The following PRR16 variants were observed in gnomAD, a reference collection of about 807,000 sequenced individuals.
PRR16 encodes protein Largen.
In PRR16, 6 loss-of-function variants were observed where a neutral mutation model predicts 18.2. The ratio of observed to expected loss-of-function variants is 0.33; its 90% CI spans 0.18 to 0.65. The LOEUF is 0.65. Among genes scored for constraint, PRR16 ranks in the 30% least tolerant of loss-of-function variants. The probability of loss-of-function intolerance (pLI) is 0.74; values close to 1 mark genes in which losing one functional copy is unlikely to be tolerated. For synonymous variants in PRR16, 151 were observed against 147.8 expected (o/e 1.02, Z -0.16); for missense variants, 412 against 376.6 (o/e 1.09, Z -0.78).
intron 1 of PRR16, among the ~76,000 whole-genome samples, chr5:120,552,561 T>G (rs1364097612): frequency 6.6e-6 from 1 of 151,964 alleles, no homozygotes; most frequent in African/African-American, 2.4e-5. Context: ...TCTAGCTTGT[T>G]CTGAAAAAAC....
rs747652972 is a variant in PRR16 at position 120,519,605 on chromosome 5, C to G, written c.159+54960C>G. ...CATATGATGTTAAAAGGCCAGTTTT[C>G]TTTCCTGAAATTAACTTTAGCAATG... On this transcript the variant is annotated intron_variant, in intron 1 of 1. Coordinates refer to ENST00000407149, the MANE Select transcript of PRR16 (RefSeq NM_001300783.2). Among the ~76,000 whole-genome samples, 3 of 152,196 alleles carry G rather than the reference C, an allele frequency of 2.0e-5. No individual in the cohort carries two copies. The South Asian group carries it at 6.2e-4, about 32-fold the overall frequency.
At chr5:120,659,943 A>C (rs969011236) in intron 1 of PRR16, among the ~76,000 whole-genome samples, 4 of 152,050 alleles carry the variant, frequency 2.6e-5, no homozygotes, top group Non-Finnish European at 5.9e-5. Context: ...GATAATATGC[A>C]TGTCCTCCAA....
At chr5:120,754,006 A>G in the PRR16 span, among the ~76,000 whole-genome samples, 1 of 124,536 alleles carries the variant, frequency 8.0e-6, no homozygotes, top group Non-Finnish European at 1.6e-5. Context: ...TAATATATAT[A>G]TTATATAATA....
At chr5:120,768,716 CTT>C in the PRR16 span, among the ~76,000 whole-genome samples, 4 of 151,756 alleles carry the variant, frequency 2.6e-5, no homozygotes, top group African/African-American at 9.6e-5. Context: ...TTTCTTAAGA[CTT>C]TGATTAAAGT....
At chr5:120,785,986 A>C in the PRR16 span, among the ~76,000 whole-genome samples, 10 of 151,576 alleles carry the variant, frequency 6.6e-5, no homozygotes, top group Admixed American at 6.6e-4. Context: ...TTAAAAAAAA[A>C]AGATTTTAAA....
chr5:120,551,810 C>G (rs938956389), intron 1 of PRR16, among the ~76,000 whole-genome samples: 1 of 151,924 alleles, frequency 6.6e-6, no homozygotes, highest in Admixed American at 6.6e-5. Context: ...AGAGAAGATA[C>G]TAGTAGGTTC....
chr5:120,754,275 AATAT>A, the PRR16 span, among the ~76,000 whole-genome samples: 1 of 38,642 alleles, frequency 2.6e-5, no homozygotes, highest in Non-Finnish European at 4.7e-5. Context: ...AATATAAAAT[AATAT>A]ATAAATATAT....
intron 1 of PRR16, among the ~76,000 whole-genome samples, chr5:120,503,950 C>G (rs1750555662): frequency 6.6e-6 from 1 of 152,038 alleles, no homozygotes; most frequent in Admixed American, 6.6e-5. Flanking sequence ...TCATCCATGT[C>G]CCTACAAAGG....
the PRR16 span, among the ~76,000 whole-genome samples, chr5:120,753,035 G>C: frequency 6.6e-6 from 1 of 151,916 alleles, no homozygotes; most frequent in South Asian, 2.1e-4. Context: ...GAATAGATGA[G>C]GAAACATTAA....
At chr5:120,613,520 T>C (rs1378669222) in intron 1 of PRR16, among the ~76,000 whole-genome samples, 1 of 152,092 alleles carries the variant, frequency 6.6e-6, no homozygotes, top group Non-Finnish European at 1.5e-5. Flanking sequence ...TATGTAGGCT[T>C]CCATTTGGGA....
At chr5:120,499,666 TTTCAACATGTTTATAATTA>T (rs905320558) in intron 1 of PRR16, among the ~76,000 whole-genome samples, 2 of 152,172 alleles carry the variant, frequency 1.3e-5, no homozygotes, top group African/African-American at 4.8e-5. Flanking sequence ...TATTATTTTG[TTTCAACATGTTTATAATTA>T]TTCTTTGAAG....
chr5:120,703,034 G>A, the PRR16 span, among the ~76,000 whole-genome samples: 1 of 152,186 alleles, frequency 6.6e-6, no homozygotes, highest in African/African-American at 2.4e-5. Context: ...TCACCTGGGT[G>A]CAGGCGGGCT....
At chr5:120,490,221 C>T (rs1312457623) in intron 1 of PRR16, among the ~76,000 whole-genome samples, 1 of 152,144 alleles carries the variant, frequency 6.6e-6, no homozygotes, top group Non-Finnish European at 1.5e-5. Context: ...TGGGGAAGTT[C>T]TCCTGGATAA....
chr5:120,725,438 T>C, the PRR16 span, among the ~76,000 whole-genome samples: 1 of 151,642 alleles, frequency 6.6e-6, no homozygotes, highest in East Asian at 1.9e-4. Flanking sequence ...GGAGGAACAC[T>C]TAAGGCCAGG....
chr5:120,479,781 T>C (rs1749551695), intron 1 of PRR16, among the ~76,000 whole-genome samples: 1 of 152,132 alleles, frequency 6.6e-6, no homozygotes, highest in Non-Finnish European at 1.5e-5. Context: ...TGACATCTAA[T>C]AGTATTCAAA....
At chr5:120,671,777 T>C (rs1756614293) in intron 1 of PRR16, among the ~76,000 whole-genome samples, 1 of 152,158 alleles carries the variant, frequency 6.6e-6, no homozygotes, top group Non-Finnish European at 1.5e-5. Context: ...ATCTTCTCTC[T>C]ATGAAAGTGC....
chr5:120,605,686 T>C (rs1370892216), intron 1 of PRR16, among the ~76,000 whole-genome samples: 1 of 152,234 alleles, frequency 6.6e-6, no homozygotes, highest in Non-Finnish European at 1.5e-5. Context: ...GATGGGGCTT[T>C]TGGCTTTTAT....
intron 1 of PRR16, among the ~76,000 whole-genome samples, chr5:120,527,017 G>A (rs917516759): frequency 6.6e-6 from 1 of 152,112 alleles, no homozygotes; most frequent in African/African-American, 2.4e-5. Context: ...TAACTACTCA[G>A]TTCTCCTCCC....
the PRR16 span, among the ~76,000 whole-genome samples, chr5:120,714,515 T>A: frequency 6.6e-6 from 1 of 152,090 alleles, no homozygotes; most frequent in South Asian, 2.1e-4. Context: ...TGTGGAGAAA[T>A]AGGGACATTT....
Sources: allele counts gnomAD v4.1 joint callset (sites outside exome capture counted in the v4.1 genomes callset), GRCh38; gene constraint gnomAD v4.1.1; transcripts MANE v1.5; gene names NCBI Gene and HGNC (gene_info 2026-07-23, HGNC 2026-07-21).